Variants in KIRREL2 observed in about 807,000 individuals in gnomAD.
The protein encoded by KIRREL2 is kirre like nephrin family adhesion molecule 2, also known as kin of IRRE-like protein 2.
In KIRREL2, 56 loss-of-function variants were observed where a neutral mutation model predicts 73.4. That is an observed-to-expected ratio of 0.76 (90% CI 0.62 to 0.95). The LOEUF is 0.95. KIRREL2 is among the 40% of genes least tolerant of loss of function. The pLI is 0.00. For synonymous variants in KIRREL2, 407 were observed against 404.0 expected, an observed-to-expected ratio of 1.01 and a Z score of -0.09; for missense variants, 896 against 935.0, an observed-to-expected ratio of 0.96 and a Z score of 0.54.
Position 35,861,529 on chromosome 19 carries a change from T to C in KIRREL2, c.1190-12T>C. ...GACCTCTCCTCTGAGTGACCTACAG[T>C]CTCCATCCCAGCTCCCCCAGTAGTG... On this transcript the variant is annotated splice_polypyrimidine_tract_variant and intron_variant, in intron 9 of 14. Transcript: ENST00000360202. The C allele has an allele frequency of 6.2e-7, 1 of 1,612,932 alleles. No homozygotes were observed. The highest frequency in any genetic ancestry group is 8.5e-7 in the Non-Finnish European group (1 of 1,179,340).
intron 10 of KIRREL2, 47 bp from the exon 11 acceptor site, chr19:35,861,758 C>T: frequency 6.3e-7 from 1 of 1,587,254 alleles, no homozygotes; most frequent in Non-Finnish European, 8.6e-7. Context: ...CTGCTTCTTC[C>T]TCCCCTCCTC....
chr19:35,856,779 C>G, upstream of KIRREL2: 1 of 384,112 alleles, frequency 2.6e-6, no homozygotes. The surrounding 1 kb of genome is among the most constrained non-coding windows in gnomAD (Gnocchi z 5.9). Flanking sequence ...GCCCACCCGC[C>G]GGGGGATCCC....
chr19:35,851,498 G>A (rs1295860951), upstream of KIRREL2: 9 of 1,613,662 alleles, frequency 5.6e-6, no homozygotes, highest in Non-Finnish European at 7.6e-6. Context: ...CGGGAAGCCT[G>A]GGATCCTGGG....
rs766440935 is a variant in KIRREL2, at chr19:35,863,028, G to A, written c.1717G>A (p.Glu573Lys). 1.3e-5 allele frequency: 21 copies of A among 1,571,988 alleles called. No homozygotes were observed. Among genetic ancestry groups the A allele is most frequent in the African/African-American group, 6.7e-5 (5 of 74,406 alleles). ...GPEEEETGSR[E>K]DRGPIVHTDH... ...TGAAGAAGAGGAGACAGGCAGCCGC[G>A]AGGACCGGGTAGGATGCCAGGGTCC... Residue 573 changes from glutamate (E) to lysine (K), a missense_variant, in exon 13 of 15, where the codon GAG (glutamate) becomes AAG (lysine). By Grantham distance (56) the Glu-to-Lys change is moderately conservative (BLOSUM62 1). Coordinates refer to ENST00000360202, the MANE Select transcript of KIRREL2 (RefSeq NM_199180.4).
intron 5 of KIRREL2, 88 bp from the exon 6 acceptor site, chr19:35,860,209 G>A: frequency 9.2e-7 from 1 of 1,090,554 alleles, no homozygotes; most frequent in Non-Finnish European, 1.4e-6. Flanking sequence ...CAGACTCCTG[G>A]GATGGAGGAA....
In KIRREL2 at chr19:35,860,600, G is replaced by T. The variant is rs752621270; in HGVS notation, c.861G>T (p.Glu287Asp). The change falls in exon 7 of 15, where the codon GAG (glutamate) becomes GAT (aspartate). Residue 287 changes from glutamate (E) to aspartate (D), a missense_variant. Coordinates refer to ENST00000360202, the MANE Select transcript of KIRREL2 (RefSeq NM_199180.4). ...TGGCAGACGCCTCGTTCCTGACTGA[G>T]CCCGTGTCCTGCGAGGTCAGCAACG... ...EVVADASFLTEPVSCEVSNAV... is the reference protein window; with the variant it reads ...EVVADASFLTDPVSCEVSNAV... 1 of 1,603,836 alleles carries T rather than the reference G, an allele frequency of 6.2e-7. No homozygotes were observed. The highest frequency in any genetic ancestry group is 1.1e-5 in the South Asian group (1 of 91,082).
chr19:35,861,401 T>A, intron 9 of KIRREL2, 140 bp from the exon 10 acceptor site: 2 of 1,464,948 alleles, frequency 1.4e-6, no homozygotes, highest in Non-Finnish European at 1.9e-6. Flanking sequence ...AGGCGAGGCT[T>A]TTAGGAGAAT....
chr19:35,854,773 C>T (rs1973368530), upstream of KIRREL2, among the ~76,000 whole-genome samples: 1 of 152,048 alleles, frequency 6.6e-6, no homozygotes, highest in African/African-American at 2.4e-5. Flanking sequence ...TCACCTCTGT[C>T]GCTCCCCTCA....
chr19:35,858,777 A>G lies in KIRREL2; in HGVS notation c.435A>G (p.Thr145=), dbSNP rs1429339515. ...SLVAGVPANL[T]CRSRGDARPT... is the part of the protein sequence containing the mutation. ...TTGCTGGAGTTCCTGCGAACCTGAC[A>G]TGTCGGAGCCGTGGGGATGCCCGCC... Residue 145 remains threonine, a synonymous_variant, in exon 4 of 15, where the codon ACA becomes ACG. Coordinates refer to ENST00000360202, the MANE Select transcript of KIRREL2 (RefSeq NM_199180.4). The G allele has an allele frequency of 1.2e-6, 2 of 1,614,166 alleles. No individual in the cohort carries two copies. Among genetic ancestry groups the G allele is most frequent in the Non-Finnish European group, 1.7e-6 (2 of 1,180,026 alleles).
chr19:35,858,533 A>G lies in KIRREL2; in HGVS notation c.337A>G (p.Arg113Gly), dbSNP rs1254521297. The G allele has an allele frequency of 6.2e-7, 1 of 1,614,072 alleles. No individual in the cohort carries two copies. Among genetic ancestry groups the G allele is most frequent in the Non-Finnish European group, 8.5e-7 (1 of 1,180,044 alleles). The change falls in exon 3 of 15, where the codon AGA becomes GGA. Residue 113 changes from arginine (R) to glycine (G), a missense_variant. Physicochemically the swap from Arg to Gly is moderately radical, Grantham distance 125. Coordinates refer to ENST00000360202, the MANE Select transcript of KIRREL2 (RefSeq NM_199180.4). ...GGCTACACAAGCAGGCCTCCGCTCCAGACCAGCCCAACTGCACGTGCTGGG... is the reference window on the plus strand; with the variant it reads ...GGCTACACAAGCAGGCCTCCGCTCCGGACCAGCCCAACTGCACGTGCTGGG... ...CQATQAGLRS[R>G]PAQLHVLVPP...
At position 35,867,115 on chromosome 19, in the gene KIRREL2, TAAAA is replaced by T. The variant is rs1014163754; in HGVS notation, c.*628_*631del. The T allele has an allele frequency of 6.6e-6, 1 of 152,670 alleles. No individual in the cohort carries two copies. The highest frequency in any genetic ancestry group is 2.4e-5 in the African/African-American group (1 of 41,302). 9.5% of individuals were successfully genotyped at this position (152,670 alleles called of 1,614,324 possible). The stretch of plus-strand genomic sequence containing the variant: ...GGATAAAAATATTTATGTTTAATAA[TAAAA>T]AAAAGTCAAAGAGGCAAGTGTGTCT... On this transcript the variant is annotated 3_prime_UTR_variant, in exon 15 of 15. Coordinates refer to ENST00000360202, the MANE Select transcript of KIRREL2 (RefSeq NM_199180.4).
intron 7 of KIRREL2, 65 bp downstream of exon 7, chr19:35,860,732 C>T (rs777608290): frequency 2.8e-4 from 443 of 1,591,534 alleles, no homozygotes; most frequent in Admixed American, 1.3e-3. Flanking sequence ...TGTTGAGGGT[C>T]GGGGCCTGGA....
Position 35,861,244 on chromosome 19 carries a change from G to A in KIRREL2, c.1179G>A (p.Leu393=). The change falls in exon 9 of 15, where the codon CTG becomes CTA. Residue 393 remains leucine, a synonymous_variant. Transcript: ENST00000360202. The part of the protein sequence containing the change: ...GLRGGAAEAR[L]TVNAPPVVTA... ...GGGGCGGCGCCGCGGAGGCTCGGCT[G>A]ACTGTGAACGGTGAGAAGGCGGGGC... 1 of 1,530,830 alleles carries A rather than the reference G, an allele frequency of 6.5e-7. No individual in the cohort carries two copies. Among genetic ancestry groups the A allele is most frequent in the Non-Finnish European group, 8.7e-7 (1 of 1,149,072 alleles). 94.8% of individuals were successfully genotyped at this position (1,530,830 alleles called of 1,614,324 possible). A position where few individuals can be genotyped will look rare whatever the true frequency, so the allele number is the denominator to read the frequency against.
Position 35,864,672 on chromosome 19 carries a change from A to C in KIRREL2, c.1750A>C (p.Ser584Arg), listed in dbSNP as rs1250418266. 6.2e-7 allele frequency: 1 copy of C among 1,613,014 alleles called. No homozygotes were observed. The highest frequency in any genetic ancestry group is 1.3e-5 in the African/African-American group (1 of 74,958). ...GGGCCCCATTGTGCACACTGACCACAGTGATCTGGTTCTGGAGGAGGAAGG... is the reference window on the plus strand; with the variant it reads ...GGGCCCCATTGTGCACACTGACCACCGTGATCTGGTTCTGGAGGAGGAAGG... ...DRGPIVHTDH[S>R]DLVLEEEGTL... Residue 584 changes from serine to arginine, a missense_variant, in exon 14 of 15, where the codon AGT becomes CGT. Ser to Arg is a moderately radical substitution (Grantham distance 110, BLOSUM62 -1). Coordinates refer to ENST00000360202, the MANE Select transcript of KIRREL2 (RefSeq NM_199180.4).
chr19:35,864,173 G>A (rs1046057774), intron 13 of KIRREL2, among the ~76,000 whole-genome samples: 2 of 138,796 alleles, frequency 1.4e-5, no homozygotes, highest in African/African-American at 2.9e-5. Context: ...CCCACAGCCC[G>A]TTTTTGTTGT....
At chr19:35,859,721 G>A in intron 5 of KIRREL2, 90 bp downstream of exon 5, 5 of 1,456,896 alleles carry the variant, frequency 3.4e-6, no homozygotes, top group Non-Finnish European at 4.7e-6. Flanking sequence ...GGGGAATGAG[G>A]AAACTGGAGC....
At chr19:35,854,637 T>C (rs1035425227), upstream of KIRREL2, among the ~76,000 whole-genome samples, 2 of 152,194 alleles carry the variant, frequency 1.3e-5, no homozygotes, top group Non-Finnish European at 2.9e-5. Context: ...TATCTTTCTA[T>C]CTTTCTCCAT....
upstream of KIRREL2, among the ~76,000 whole-genome samples, chr19:35,853,193 A>T (rs1207228326): frequency 1.3e-5 from 2 of 152,042 alleles, no homozygotes; most frequent in Non-Finnish European, 2.9e-5. Context: ...AGAGTGTGGG[A>T]GAGAGGGAAG....
chr19:35,864,654 A>T lies in KIRREL2; in HGVS notation c.1732A>T (p.Ile578Phe), dbSNP rs1733803515. 1 of 1,612,464 alleles carries T rather than the reference A, an allele frequency of 6.2e-7. No individual in the cohort carries two copies. Among genetic ancestry groups the T allele is most frequent in the East Asian group, 2.2e-5 (1 of 44,844 alleles). The change falls in exon 14 of 15, where the codon ATT becomes TTT. Residue 578 changes from isoleucine to phenylalanine, a missense_variant. By Grantham distance (21) the Ile-to-Phe change is conservative (BLOSUM62 0). Transcript: ENST00000360202. The part of the protein sequence containing the change: ...ETGSREDRGP[I>F]VHTDHSDLVL... ...ACTAAGTTCCCTACCCCAGGGCCCC[A>T]TTGTGCACACTGACCACAGTGATCT...
Sources: gnomAD v4.1 joint callset for allele counts (sites outside exome capture counted in the v4.1 genomes callset) on GRCh38, gnomAD v4.1.1 for gene constraint, Gnocchi (gnomAD v3.1) non-coding constraint, MANE v1.5 for transcripts, NCBI Gene and HGNC (gene_info 2026-07-23, HGNC 2026-07-21) for gene names.